The following TAF1B variants were observed in gnomAD, a reference collection of about 807,000 sequenced individuals.
TAF1B encodes the protein TATA-box binding protein associated factor, RNA polymerase I subunit B, also known as TATA box-binding protein-associated factor RNA polymerase I subunit B.
In TAF1B, 61 loss-of-function variants were observed where a neutral mutation model predicts 83.9. The ratio of observed to expected loss-of-function variants is 0.73; its 90% CI spans 0.59 to 0.90. TAF1B has a LOEUF of 0.90. TAF1B is among the 40% of genes least tolerant of loss of function. The probability of loss-of-function intolerance (pLI) is 0.00; values close to 1 mark genes in which losing one functional copy is unlikely to be tolerated. For missense variants in TAF1B, 625 were observed against 677.0 expected, an observed-to-expected ratio of 0.92 and a Z score of 0.85; for synonymous variants, 221 against 224.6, an observed-to-expected ratio of 0.98 and a Z score of 0.14.
chr2:9,929,184 A>C (rs1275754276), intron 14 of TAF1B, among the ~76,000 whole-genome samples: 1 of 115,916 alleles, frequency 8.6e-6, no homozygotes, highest in Admixed American at 8.1e-5. Context: ...TTAGAGACGG[A>C]GTCTCGCTCT....
chr2:9,911,184 A>G (rs1665523139), intron 10 of TAF1B, among the ~76,000 whole-genome samples: 3 of 152,202 alleles, frequency 2.0e-5, no homozygotes, highest in Admixed American at 6.5e-5. Flanking sequence ...TTCTTTAGGT[A>G]GCAATGTTCC....
At chr2:9,883,644 A>G (rs991715549) in intron 8 of TAF1B, among the ~76,000 whole-genome samples, 1 of 152,238 alleles carries the variant, frequency 6.6e-6, no homozygotes, top group African/African-American at 2.4e-5. Flanking sequence ...TTTGAAATTA[A>G]TGTAGGAGAA....
At chr2:9,897,272 G>A (rs1041753313) in intron 8 of TAF1B, among the ~76,000 whole-genome samples, 1 of 152,036 alleles carries the variant, frequency 6.6e-6, no homozygotes. Flanking sequence ...TTAAAATAGG[G>A]CTACTTCTAT....
chr2:9,860,020 T>C (rs1324218728), intron 5 of TAF1B, among the ~76,000 whole-genome samples: 1 of 152,202 alleles, frequency 6.6e-6, no homozygotes, highest in Non-Finnish European at 1.5e-5. Flanking sequence ...AAGCAAGGCA[T>C]GTCTTCCATG....
chr2:9,882,629 G>A (rs555428294), intron 7 of TAF1B, 77 bp from the exon 8 acceptor site: 139 of 860,348 alleles, frequency 1.6e-4, no homozygotes, highest in Non-Finnish European at 2.2e-4. Context: ...TTTGAATTAA[G>A]AGATTTTTCT....
At chr2:9,924,775 G>C (rs971537869) in intron 14 of TAF1B, among the ~76,000 whole-genome samples, 1 of 152,218 alleles carries the variant, frequency 6.6e-6, no homozygotes, top group Admixed American at 6.5e-5. Context: ...ATTTCTGAGT[G>C]TTCAGAAGAA....
intron 9 of TAF1B, 68 bp downstream of exon 9, chr2:9,905,074 C>A (rs1665302302): frequency 2.1e-6 from 3 of 1,409,844 alleles, no homozygotes; most frequent in Non-Finnish European, 2.9e-6. Flanking sequence ...AGTATAGAAT[C>A]TTTTCAAATC....
intron 6 of TAF1B, among the ~76,000 whole-genome samples, chr2:9,874,340 C>T (rs1004277771): frequency 1.4e-4 from 22 of 152,274 alleles, no homozygotes; most frequent in African/African-American, 5.1e-4. Flanking sequence ...AATGAGGTTT[C>T]TCTGACACCC....
At chr2:9,920,307 C>T (rs1296052106) in intron 14 of TAF1B, among the ~76,000 whole-genome samples, 1 of 152,160 alleles carries the variant, frequency 6.6e-6, no homozygotes, top group Non-Finnish European at 1.5e-5. Flanking sequence ...CCCCAGTGTC[C>T]TTTTATAGCA....
chr2:9,921,164 T>G (rs1665867116), intron 14 of TAF1B, among the ~76,000 whole-genome samples: 1 of 152,204 alleles, frequency 6.6e-6, no homozygotes, highest in South Asian at 2.1e-4. Context: ...CGATAATGGC[T>G]CACTGCAGCC....
At chr2:9,849,714 T>C (rs1183725804) in intron 3 of TAF1B, among the ~76,000 whole-genome samples, 3 of 152,228 alleles carry the variant, frequency 2.0e-5, no homozygotes, top group South Asian at 2.1e-4. Flanking sequence ...AAATATGATA[T>C]TCAACTTCTA....
intron 5 of TAF1B, among the ~76,000 whole-genome samples, chr2:9,857,928 A>G (rs921144955): frequency 1.3e-5 from 2 of 152,064 alleles, no homozygotes; most frequent in Non-Finnish European, 2.9e-5. Flanking sequence ...TTGGATGGGG[A>G]CAGAGCCAAA....
intron 5 of TAF1B, among the ~76,000 whole-genome samples, chr2:9,866,637 G>A (rs980067489): frequency 3.9e-5 from 6 of 152,166 alleles, no homozygotes; most frequent in Non-Finnish European, 8.8e-5. Flanking sequence ...ACATGCACAC[G>A]TATGGTTATT....
At chr2:9,923,209 G>A (rs1490414437) in intron 14 of TAF1B, among the ~76,000 whole-genome samples, 3 of 145,070 alleles carry the variant, frequency 2.1e-5, no homozygotes, top group African/African-American at 7.7e-5. Flanking sequence ...CTGCACTCCA[G>A]CCTGGGCGAC....
At chr2:9,926,882 T>A (rs943361157) in intron 14 of TAF1B, among the ~76,000 whole-genome samples, 18 of 152,096 alleles carry the variant, frequency 1.2e-4, no homozygotes, top group East Asian at 3.9e-4. Context: ...AACTTTTTTT[T>A]TATATATATA....
intron 8 of TAF1B, among the ~76,000 whole-genome samples, chr2:9,903,715 T>G (rs908699615): frequency 9.2e-5 from 14 of 152,210 alleles, no homozygotes; most frequent in African/African-American, 3.4e-4. Context: ...AGCTATGAAT[T>G]TGAAGAGTAA....
chr2:9,848,010 G>A (rs898561669), intron 2 of TAF1B, among the ~76,000 whole-genome samples: 1 of 152,038 alleles, frequency 6.6e-6, no homozygotes, highest in Non-Finnish European at 1.5e-5. Context: ...ATTAATTATA[G>A]CTCTAGTTTT....
chr2:9,906,433 T>C (rs1665344748), intron 9 of TAF1B, among the ~76,000 whole-genome samples: 1 of 152,156 alleles, frequency 6.6e-6, no homozygotes, highest in African/African-American at 2.4e-5. Flanking sequence ...CTTCTCACAG[T>C]CTGTTCAATA....
At chr2:9,868,521 G>A (rs1664067694) in intron 6 of TAF1B, 92 bp downstream of exon 6, 2 of 1,502,460 alleles carry the variant, frequency 1.3e-6, no homozygotes, top group South Asian at 1.2e-5. Context: ...CAAGGAAAGG[G>A]AACTTGGTCT....
Sources: gnomAD v4.1 joint callset for allele counts (sites outside exome capture counted in the v4.1 genomes callset) on GRCh38, gnomAD v4.1.1 for gene constraint, MANE v1.5 for transcripts, NCBI Gene and HGNC (gene_info 2026-07-23, HGNC 2026-07-21) for gene names.